Variants in BRMS1L observed in about 807,000 individuals in gnomAD.
BRMS1L encodes the protein BRMS1 like transcriptional repressor.
BRMS1L carries 23 observed loss-of-function variants against 50.3 expected under a neutral mutation model. The observed-to-expected ratio is 0.46, with a 90% CI of 0.33 to 0.65. BRMS1L has a LOEUF of 0.65. Ranked by LOEUF, BRMS1L falls within the 30% of genes least tolerant of loss-of-function variation. The pLI is 0.02. For missense variants in BRMS1L, 286 were observed against 386.1 expected, an observed-to-expected ratio of 0.74 and a Z score of 2.17; for synonymous variants, 114 against 126.9, an observed-to-expected ratio of 0.90 and a Z score of 0.69.
intron 4 of BRMS1L, among the ~76,000 whole-genome samples, chr14:35,855,621 T>A (rs2078270317): frequency 6.6e-6 from 1 of 152,152 alleles, no homozygotes; most frequent in Non-Finnish European, 1.5e-5. Context: ...CTATTAATAG[T>A]TTAGTTGTGG....
chr14:35,869,720 C>G (rs142053958), intron 9 of BRMS1L, among the ~76,000 whole-genome samples: 154 of 152,024 alleles, frequency 1.0e-3, no homozygotes, highest in Non-Finnish European at 2.0e-3. Context: ...GTGGCACGTG[C>G]TTGTAGTCTC....
At chr14:35,854,521 G>A (rs1463579630) in intron 4 of BRMS1L, among the ~76,000 whole-genome samples, 5 of 152,050 alleles carry the variant, frequency 3.3e-5, no homozygotes, top group African/African-American at 9.7e-5. Context: ...CCTGACTTGG[G>A]TTTGTTGTGC....
intron 5 of BRMS1L, among the ~76,000 whole-genome samples, chr14:35,863,022 T>G (rs1322570535): frequency 1.3e-5 from 2 of 152,074 alleles, no homozygotes; most frequent in African/African-American, 4.8e-5. Context: ...GAAGCATCCT[T>G]TGATCCCAGG....
Position 35,864,522 on chromosome 14 carries a change from A to G in BRMS1L, c.623-413A>G, listed in dbSNP as rs531491229. ...GCCTGCATTGGCCTCCCAAAGTGCT[A>G]GGATTGCAGGCATGAGCCACTGTGC... On this transcript the variant is annotated intron_variant, in intron 6 of 9. Transcript: ENST00000216807. Among the ~76,000 whole-genome samples the G allele has an allele frequency of 3.3e-5, 5 of 152,286 alleles. No homozygotes were observed. The South Asian group carries it at 8.3e-4, about 25-fold the overall frequency.
chr14:35,828,471 C>CTT (rs780984053), intron 1 of BRMS1L, among the ~76,000 whole-genome samples: 13,432 of 99,152 alleles, frequency 0.14, 1,303 homozygotes, highest in East Asian at 0.28. Flanking sequence ...CATTCCCAGC[C>CTT]TTTTTTTTTT....
At chr14:35,862,963 G>C (rs143936239) in intron 5 of BRMS1L, among the ~76,000 whole-genome samples, 1 of 152,148 alleles carries the variant, frequency 6.6e-6, no homozygotes, top group Non-Finnish European at 1.5e-5. Flanking sequence ...GCTGGATGTG[G>C]TGCTGCACAT....
chr14:35,865,011 G>T lies in BRMS1L; in HGVS notation c.687+12G>T. 1 of 1,543,558 alleles carries T rather than the reference G, an allele frequency of 6.5e-7. No individual in the cohort carries two copies. The highest frequency in any genetic ancestry group is 1.2e-5 in the South Asian group (1 of 81,766). On this transcript the variant is annotated intron_variant, in intron 7 of 9. Transcript: ENST00000216807. ...CAACAATTAGGAAGGTATGATTAAT[G>T]AGCAGTGGAACACAAGTATGTTTTT... is the stretch of plus-strand genomic sequence containing the variant.
At chr14:35,863,011 G>A (rs557525593) in intron 5 of BRMS1L, among the ~76,000 whole-genome samples, 2 of 152,172 alleles carry the variant, frequency 1.3e-5, no homozygotes, top group Non-Finnish European at 1.5e-5. Flanking sequence ...AGACTGAGGC[G>A]GAAGCATCCT....
chr14:35,828,155 TC>T (rs2077868500), intron 1 of BRMS1L, among the ~76,000 whole-genome samples: 1 of 151,962 alleles, frequency 6.6e-6, no homozygotes, highest in Non-Finnish European at 1.5e-5. Context: ...AAAGAGTATT[TC>T]AGACATGTTG....
intron 7 of BRMS1L, 50 bp from the exon 8 acceptor site, chr14:35,865,672 A>C (rs750694927): frequency 1.5e-6 from 2 of 1,374,504 alleles, no homozygotes; most frequent in Non-Finnish European, 2.0e-6. Flanking sequence ...ATATATTTTC[A>C]GTCTGAACTC....
chr14:35,845,607 G>C (rs1443287003), intron 4 of BRMS1L, among the ~76,000 whole-genome samples: 1 of 152,134 alleles, frequency 6.6e-6, no homozygotes, highest in Non-Finnish European at 1.5e-5. Flanking sequence ...TTCTCATACT[G>C]TCTTTTATTT....
chr14:35,839,608 T>G (rs994191008), intron 4 of BRMS1L, among the ~76,000 whole-genome samples: 2 of 152,220 alleles, frequency 1.3e-5, no homozygotes, highest in African/African-American at 4.8e-5. Flanking sequence ...GTTAGATTCC[T>G]AGGTATTTTA....
chr14:35,843,657 G>A (rs944508693), intron 4 of BRMS1L, among the ~76,000 whole-genome samples: 1 of 152,238 alleles, frequency 6.6e-6, no homozygotes, highest in Non-Finnish European at 1.5e-5. Flanking sequence ...GGAGGCACAG[G>A]GGTCAGGGAC....
intron 4 of BRMS1L, among the ~76,000 whole-genome samples, chr14:35,847,364 A>G (rs1385074620): frequency 6.6e-6 from 1 of 152,014 alleles, no homozygotes. Flanking sequence ...GTGCAGTGGC[A>G]TGACCTAGCT....
chr14:35,856,643 G>A (rs1443445681), intron 4 of BRMS1L, among the ~76,000 whole-genome samples: 1 of 151,624 alleles, frequency 6.6e-6, no homozygotes, highest in Non-Finnish European at 1.5e-5. Flanking sequence ...ACAGAGTCTT[G>A]TTCTGTCACC....
At chr14:35,830,972 ACT>A (rs907704230) in intron 1 of BRMS1L, among the ~76,000 whole-genome samples, 2 of 143,628 alleles carry the variant, frequency 1.4e-5, no homozygotes, top group Non-Finnish European at 3.0e-5. Flanking sequence ...AGACTAGGTC[ACT>A]CTGTCACCCA....
chr14:35,826,769 G>A, intron 1 of BRMS1L, 111 bp downstream of exon 1: 1 of 1,461,072 alleles, frequency 6.8e-7, no homozygotes, highest in Admixed American at 2.3e-5. Context: ...GGGACAGAGG[G>A]AAGGGGCGGA....
chr14:35,844,348 G>A (rs1254275160), intron 4 of BRMS1L, among the ~76,000 whole-genome samples: 2 of 152,184 alleles, frequency 1.3e-5, no homozygotes, highest in Non-Finnish European at 2.9e-5. Context: ...TGGTCTGTGG[G>A]TTGTGAAGAC....
intron 1 of BRMS1L, among the ~76,000 whole-genome samples, chr14:35,828,554 A>G (rs1595657025): frequency 6.9e-6 from 1 of 145,654 alleles, no homozygotes; most frequent in East Asian, 2.1e-4. Context: ...GCTCACTGCA[A>G]CCTCCACCTC....
Sources: allele counts gnomAD v4.1 joint callset (sites outside exome capture counted in the v4.1 genomes callset), GRCh38; gene constraint gnomAD v4.1.1; transcripts MANE v1.5; gene names NCBI Gene and HGNC (gene_info 2026-07-23, HGNC 2026-07-21).